RYR2: variants seen among roughly 807,000 people sequenced by gnomAD.
RYR2 encodes ryanodine receptor 2, also known as cardiac muscle ryanodine receptor-calcium release channel.
Under a neutral mutation model 601.1 loss-of-function variants are expected in RYR2, and 227 were observed. That is an observed-to-expected ratio of 0.38 (90% CI 0.34 to 0.42). The LOEUF (loss-of-function observed/expected upper bound fraction) is 0.42, where lower values mean the gene tolerates loss of function less well. Among genes scored for constraint, RYR2 ranks in the 10% least tolerant of loss-of-function variants. The pLI, the probability that RYR2 is intolerant of heterozygous loss-of-function variation, is 1.00. For synonymous variants in RYR2, 2,223 were observed against 2,175.1 expected (o/e 1.02, Z -0.61); for missense variants, 4,646 against 6,156.5 (o/e 0.75, Z 8.21).
intron 86 of RYR2, 27 bp downstream of exon 86, chr1:237,772,127 A>C: frequency 8.2e-7 from 1 of 1,212,528 alleles, no homozygotes; most frequent in Non-Finnish European, 1.2e-6. Flanking sequence ...ATTAGTAACA[A>C]ATTAAAAGGG....
intron 7 of RYR2, among the ~76,000 whole-genome samples, chr1:237,376,870 G>A (rs932685097): frequency 6.6e-6 from 1 of 152,002 alleles, no homozygotes; most frequent in Non-Finnish European, 1.5e-5. Context: ...TTTTGAGTCA[G>A]CATCCAAAAA....
At chr1:237,283,107 C>G in intron 2 of RYR2, among the ~76,000 whole-genome samples, 1 of 152,202 alleles carries the variant, frequency 6.6e-6, no homozygotes, top group East Asian at 1.9e-4. Flanking sequence ...CTCGCTCTTC[C>G]TGGAAGACCC....
intron 67 of RYR2, among the ~76,000 whole-genome samples, 197 bp downstream of exon 67, chr1:237,705,540 A>G (rs1181867507): frequency 4.6e-5 from 7 of 152,116 alleles, no homozygotes; most frequent in Admixed American, 4.6e-4. Context: ...TAGGGCAGCA[A>G]TCAGAATATG....
At chr1:237,578,569 T>C (rs952220417) in intron 29 of RYR2, among the ~76,000 whole-genome samples, 5 of 152,350 alleles carry the variant, frequency 3.3e-5, no homozygotes, top group Admixed American at 3.3e-4. Context: ...CACAAGAGAA[T>C]TTCTTTCAAA....
At chr1:237,491,965 C>T (rs1663398062) in intron 18 of RYR2, 41 bp downstream of exon 18, 5 of 845,842 alleles carry the variant, frequency 5.9e-6, no homozygotes, top group African/African-American at 1.7e-5. Context: ...ATTCTCAAAT[C>T]CTTTTAGATA....
At chr1:237,653,443 A>C (rs1682950866) in intron 51 of RYR2, among the ~76,000 whole-genome samples, 1 of 152,206 alleles carries the variant, frequency 6.6e-6, no homozygotes, top group South Asian at 2.1e-4. Context: ...TTAACGTAGA[A>C]CTCAGGGATA....
At chr1:237,816,768 G>A (rs971115423) in intron 100 of RYR2, among the ~76,000 whole-genome samples, 1 of 152,086 alleles carries the variant, frequency 6.6e-6, no homozygotes, top group Non-Finnish European at 1.5e-5. Context: ...AATTCAAACA[G>A]TATGCCTGAG....
At position 237,139,573 on chromosome 1, in the gene RYR2, G is replaced by C. The variant is rs114175424; in HGVS notation, c.48+97004G>C. Among the ~76,000 whole-genome samples the C allele has an allele frequency of 4.1e-3, 626 of 152,308 alleles. 6 individuals are homozygous for C. The highest frequency in any genetic ancestry group is 0.014 in the African/African-American group (596 of 41,554). The stretch of plus-strand genomic sequence containing the variant: ...ATAGTCTTACATGATATTAAGTAGG[G>C]AGTGAGTGGTAGAGAGGAAAGATCC... On this transcript the variant is annotated intron_variant, in intron 1 of 104. Transcript: ENST00000366574.
rs1355579861 is a variant in RYR2 at position 237,661,704 on chromosome 1, G to C, written c.8436+757G>C. Among the ~76,000 whole-genome samples, 9 of 152,168 alleles carry C rather than the reference G, an allele frequency of 5.9e-5. No homozygotes were observed. The East Asian group carries it at 1.7e-3, about 29-fold the overall frequency. On this transcript the variant is annotated intron_variant, in intron 56 of 104. Coordinates refer to ENST00000366574, the MANE Select transcript of RYR2 (RefSeq NM_001035.3). ...ATTTAGAAGGCACAAGGGCGCTCCT[G>C]TCTGCAGAGGGAAGGTATACAGCCA...
chr1:237,727,231 A>T (rs1690273728), intron 76 of RYR2, 32 bp downstream of exon 76: 2 of 1,085,252 alleles, frequency 1.8e-6, no homozygotes, highest in Non-Finnish European at 2.7e-6. Flanking sequence ...GTAATAGATC[A>T]ATGTTATTTT....
At chr1:237,398,178 T>G (rs1053654898) in intron 10 of RYR2, among the ~76,000 whole-genome samples, 2 of 152,070 alleles carry the variant, frequency 1.3e-5, no homozygotes, top group East Asian at 3.9e-4. Context: ...CAGAACTCAG[T>G]TTTTCAGGTT....
intron 100 of RYR2, among the ~76,000 whole-genome samples, chr1:237,818,193 C>G (rs977288808): frequency 6.6e-6 from 1 of 152,186 alleles, no homozygotes; most frequent in African/African-American, 2.4e-5. Flanking sequence ...TCCAGCATGA[C>G]TTCATTTGCC....
intron 79 of RYR2, among the ~76,000 whole-genome samples, chr1:237,733,957 ACATT>A (rs1445314801): frequency 2.0e-5 from 3 of 152,192 alleles, no homozygotes; most frequent in Non-Finnish European, 4.4e-5. Context: ...CTTTTTCTAA[ACATT>A]CATTCATTCA....
intron 1 of RYR2, among the ~76,000 whole-genome samples, chr1:237,269,042 C>CT (rs200563683): frequency 0.33 from 36,802 of 113,064 alleles, 7,469 homozygotes; most frequent in East Asian, 0.74. Flanking sequence ...ATAGCATATT[C>CT]TTTTTTTTTT....
At chr1:237,331,238 T>C (rs1490342569) in intron 3 of RYR2, among the ~76,000 whole-genome samples, 2 of 152,210 alleles carry the variant, frequency 1.3e-5, no homozygotes, top group Non-Finnish European at 2.9e-5. Flanking sequence ...AAACCGACCT[T>C]TCTTTGAGCG....
chr1:237,803,313 T>C (rs1306944910), intron 98 of RYR2, among the ~76,000 whole-genome samples: 4 of 151,270 alleles, frequency 2.6e-5, no homozygotes, highest in Non-Finnish European at 3.0e-5. Context: ...GCATTTTTCT[T>C]TTTTTTTTGA....
At chr1:237,792,383 G>GTA in intron 94 of RYR2, 60 bp downstream of exon 94, 1 of 660,430 alleles carries the variant, frequency 1.5e-6, no homozygotes, top group African/African-American at 3.5e-5. Flanking sequence ...GTGTGTGTGC[G>GTA]TGTGTGTGTG....
intron 104 of RYR2, among the ~76,000 whole-genome samples, chr1:237,832,231 T>C (rs1663885025): frequency 6.6e-6 from 1 of 151,678 alleles, no homozygotes; most frequent in Non-Finnish European, 1.5e-5. Context: ...TTTTTTAATT[T>C]TAGTACAGAC....
chr1:237,164,366 C>T (rs753926118), intron 1 of RYR2, among the ~76,000 whole-genome samples: 9 of 152,316 alleles, frequency 5.9e-5, no homozygotes, highest in Admixed American at 5.2e-4. Context: ...ATGCTACTGT[C>T]GGCCAGGCTG....
Sources: gnomAD v4.1 joint callset for allele counts (sites outside exome capture counted in the v4.1 genomes callset) on GRCh38, gnomAD v4.1.1 for gene constraint, MANE v1.5 for transcripts, NCBI Gene and HGNC (gene_info 2026-07-23, HGNC 2026-07-21) for gene names.